DNAH11: variants seen among roughly 807,000 people sequenced by gnomAD.
The protein encoded by DNAH11 is dynein axonemal heavy chain 11, also known as axonemal beta dynein heavy chain 11.
DNAH11 carries 442 observed loss-of-function variants against 526.0 expected under a neutral mutation model. The ratio of observed to expected loss-of-function variants is 0.84; its 90% CI spans 0.78 to 0.91. The LOEUF is 0.91. Ranked by LOEUF, DNAH11 falls within the 40% of genes least tolerant of loss-of-function variation. DNAH11 has a pLI of 0.00. For missense variants in DNAH11, 6,989 were observed against 5,448.7 expected, an observed-to-expected ratio of 1.28 and a Z score of -8.90; for synonymous variants, 2,461 against 1,935.9, an observed-to-expected ratio of 1.27 and a Z score of -7.12.
In DNAH11 at chr7:21,861,882, C is replaced by G. The variant is rs201120788; in HGVS notation, c.11232C>G (p.Ile3744Met). Reference sequence around the variant, plus strand: ...TTAACGTGCTGTTCCACAGAGCGATCGAGCAGGCTGACAAGGTGGAAGACA... The same window carrying G: ...TTAACGTGCTGTTCCACAGAGCGATGGAGCAGGCTGACAAGGTGGAAGACA... ...KAFNVLFHRA[I>M]EQADKVEDMQ... The change falls in exon 69 of 82, where the codon ATC (isoleucine) becomes ATG (methionine). Residue 3744 changes from isoleucine to methionine, a missense_variant. Physicochemically the swap from Ile to Met is conservative, Grantham distance 10. Coordinates refer to ENST00000409508, the MANE Select transcript of DNAH11 (RefSeq NM_001277115.2). 58 of 1,613,354 alleles carry G rather than the reference C, an allele frequency of 3.6e-5. No individual in the cohort carries two copies. The African/African-American group carries it at 5.9e-4, about 16-fold the overall frequency.
rs545477104 is a variant in DNAH11 at position 21,669,673 on chromosome 7, G to A, written c.5328+10642G>A. Reference sequence around the variant, plus strand: ...TTTTTCTTTTTGTGTGTGTGTGTGTGTGTGTATGAGAGATAGATGTTATTG... The same window carrying A: ...TTTTTCTTTTTGTGTGTGTGTGTGTATGTGTATGAGAGATAGATGTTATTG... On this transcript the variant is annotated intron_variant, in intron 30 of 81. Transcript: ENST00000409508. 3.0e-3 allele frequency among the ~76,000 whole-genome samples: 460 copies of A among 151,898 alleles called. 2 individuals carry two copies. The highest frequency in any genetic ancestry group is 5.2e-3 in the Non-Finnish European group (354 of 67,950).
intron 30 of DNAH11, among the ~76,000 whole-genome samples, chr7:21,677,455 C>T (rs1290008081): frequency 6.6e-6 from 1 of 152,172 alleles, no homozygotes; most frequent in African/African-American, 2.4e-5. Context: ...GATCTCAGCT[C>T]ACTGCAGCCT....
intron 61 of DNAH11, among the ~76,000 whole-genome samples, chr7:21,797,659 A>T (rs906384139): frequency 1.3e-5 from 2 of 152,244 alleles, no homozygotes; most frequent in Non-Finnish European, 2.9e-5. Context: ...ACAATTAGAC[A>T]TTCCTATGAA....
chr7:21,901,265 G>C lies in DNAH11; in HGVS notation c.*11G>C. On this transcript the variant is annotated 3_prime_UTR_variant, in exon 82 of 82. Coordinates refer to ENST00000409508, the MANE Select transcript of DNAH11 (RefSeq NM_001277115.2). Reference sequence around the variant, plus strand: ...CTTCTAGAAGCGTAAGGTAACACTGGCATTCCTCTAGCCTCTGCTGGAGTG... The same window carrying C: ...CTTCTAGAAGCGTAAGGTAACACTGCCATTCCTCTAGCCTCTGCTGGAGTG... The C allele has an allele frequency of 6.2e-7, 1 of 1,604,406 alleles. No homozygotes were observed. Among genetic ancestry groups the C allele is most frequent in the Non-Finnish European group, 8.5e-7 (1 of 1,174,688 alleles).
intron 40 of DNAH11, among the ~76,000 whole-genome samples, chr7:21,709,515 C>T (rs1397115888): frequency 6.6e-6 from 1 of 152,142 alleles, no homozygotes; most frequent in East Asian, 1.9e-4. Context: ...GTATCCCAAA[C>T]CTCAATGTCA....
Position 21,600,119 on chromosome 7 carries a change from G to C in DNAH11, c.3000G>C (p.Gln1000His). 6.6e-7 allele frequency: 1 copy of C among 1,525,096 alleles called. No individual in the cohort carries two copies. The highest frequency in any genetic ancestry group is 8.8e-7 in the Non-Finnish European group (1 of 1,134,216). 94.5% of individuals were successfully genotyped at this position (1,525,096 alleles called of 1,614,324 possible). A position where few individuals can be genotyped will look rare whatever the true frequency, so the allele number is the denominator to read the frequency against. The stretch of plus-strand genomic sequence containing the variant: ...CACACCTGGAAATTAAAAATTATCA[G>C]GTATTTTCTTAGTAAATGGGTATTT... The part of the protein sequence containing the change: ...IATHLEIKNY[Q>H]NDMDNMLGLA... Residue 1000 changes from glutamine (Q) to histidine (H), a missense_variant and splice_region_variant, in exon 15 of 82, where the codon CAG (glutamine) becomes CAC (histidine). Coordinates refer to ENST00000409508, the MANE Select transcript of DNAH11 (RefSeq NM_001277115.2).
chr7:21,574,687 C>G (rs149290802), intron 8 of DNAH11, among the ~76,000 whole-genome samples: 6,146 of 151,324 alleles, frequency 0.041, 136 homozygotes, highest in South Asian at 0.062. Flanking sequence ...CCTCAGCCTC[C>G]TGAGTAGCTG....
intron 65 of DNAH11, among the ~76,000 whole-genome samples, chr7:21,838,131 T>G (rs1037036827): frequency 6.6e-6 from 1 of 152,162 alleles, no homozygotes; most frequent in African/African-American, 2.4e-5. Context: ...ACTCAAATAA[T>G]AGAAGGAATT....
intron 68 of DNAH11, among the ~76,000 whole-genome samples, chr7:21,858,993 A>T (rs941435245): frequency 6.6e-6 from 1 of 152,198 alleles, no homozygotes; most frequent in African/African-American, 2.4e-5. Flanking sequence ...AGATGCCCCA[A>T]GTGGAAAATT....
chr7:21,841,936 C>T (rs373910517), intron 65 of DNAH11, among the ~76,000 whole-genome samples: 19 of 152,268 alleles, frequency 1.2e-4, no homozygotes, highest in African/African-American at 4.6e-4. Flanking sequence ...CTCAATTTAA[C>T]CTGCCCCCTC....
chr7:21,775,646 C>G (rs1266347762), intron 56 of DNAH11, among the ~76,000 whole-genome samples: 1 of 151,632 alleles, frequency 6.6e-6, no homozygotes, highest in Non-Finnish European at 1.5e-5. Flanking sequence ...TCTTTCCTGT[C>G]TCTTTTTATT....
chr7:21,900,203 G>GCAT, intron 81 of DNAH11, 83 bp downstream of exon 81: 1 of 1,403,884 alleles, frequency 7.1e-7, no homozygotes, highest in Non-Finnish European at 9.5e-7. Flanking sequence ...CTGTTTCTCA[G>GCAT]CATCTCCTCA....
chr7:21,867,537 A>G (rs1039809738), intron 71 of DNAH11, among the ~76,000 whole-genome samples: 1 of 152,198 alleles, frequency 6.6e-6, no homozygotes, highest in African/African-American at 2.4e-5. Flanking sequence ...TGAACTGTTA[A>G]TAAGTAATGG....
At chr7:21,575,295 G>A (rs1440414596) in intron 8 of DNAH11, among the ~76,000 whole-genome samples, 1 of 152,182 alleles carries the variant, frequency 6.6e-6, no homozygotes, top group African/African-American at 2.4e-5. Flanking sequence ...GGCCTGAGAT[G>A]GAGTGATCCA....
intron 30 of DNAH11, among the ~76,000 whole-genome samples, chr7:21,663,442 A>G (rs1050849901): frequency 1.3e-5 from 2 of 152,100 alleles, no homozygotes; most frequent in Non-Finnish European, 2.9e-5. Flanking sequence ...ATTCTCACGA[A>G]GAATGTATAA....
intron 28 of DNAH11, among the ~76,000 whole-genome samples, chr7:21,650,431 A>G (rs932107109): frequency 6.6e-6 from 1 of 151,922 alleles, no homozygotes; most frequent in African/African-American, 2.4e-5. Flanking sequence ...GTGAGTTATA[A>G]CATATATACT....
chr7:21,720,617 G>T, intron 43 of DNAH11, 108 bp from the exon 44 acceptor site: 1 of 1,259,442 alleles, frequency 7.9e-7, no homozygotes, highest in Non-Finnish European at 1.1e-6. Context: ...ATCACAGCTG[G>T]GAAAAACTAT....
intron 76 of DNAH11, among the ~76,000 whole-genome samples, chr7:21,891,170 T>A (rs976992495): frequency 1.3e-5 from 2 of 152,178 alleles, no homozygotes; most frequent in African/African-American, 4.8e-5. Context: ...TGTTGTAGTG[T>A]ACTGGGTGGT....
At chr7:21,551,290 C>G (rs1216484664) in intron 2 of DNAH11, among the ~76,000 whole-genome samples, 1 of 152,206 alleles carries the variant, frequency 6.6e-6, no homozygotes, top group South Asian at 2.1e-4. Context: ...GAGGCTTGCT[C>G]AGCAGCGCCA....
Sources: allele counts gnomAD v4.1 joint callset (sites outside exome capture counted in the v4.1 genomes callset), GRCh38; gene constraint gnomAD v4.1.1; transcripts MANE v1.5; gene names NCBI Gene and HGNC (gene_info 2026-07-23, HGNC 2026-07-21).